Variants in LAPTM4B observed in about 807,000 individuals in gnomAD.
LAPTM4B encodes lysosomal-associated transmembrane protein 4B.
A neutral mutation model predicts 28.5 loss-of-function variants in LAPTM4B; 26 were observed. The observed-to-expected ratio is 0.91, with a 90% CI of 0.67 to 1.27. The LOEUF is 1.27. Among genes scored for constraint, LAPTM4B ranks in the 50% most tolerant of loss-of-function variants. The probability of loss-of-function intolerance (pLI) is 0.00; values close to 1 mark genes in which losing one functional copy is unlikely to be tolerated. For missense variants in LAPTM4B, 288 were observed against 285.8 expected, an observed-to-expected ratio of 1.01 and a Z score of -0.06; for synonymous variants, 109 against 106.4, an observed-to-expected ratio of 1.02 and a Z score of -0.15.
intron 1 of LAPTM4B, among the ~76,000 whole-genome samples, chr8:97,777,139 T>G (rs968427731): frequency 4.6e-5 from 4 of 87,638 alleles, no homozygotes; most frequent in East Asian, 3.9e-4. Flanking sequence ...TCAGTGAGGT[T>G]TTTTTTTTTT....
intron 6 of LAPTM4B, among the ~76,000 whole-genome samples, chr8:97,834,300 T>TA (rs1244341097): frequency 6.6e-6 from 1 of 152,032 alleles, no homozygotes; most frequent in African/African-American, 2.4e-5. Context: ...CAAGACTCTT[T>TA]AAAAAATAAA....
At chr8:97,847,836 T>C (rs887015970) in intron 6 of LAPTM4B, among the ~76,000 whole-genome samples, 3 of 152,202 alleles carry the variant, frequency 2.0e-5, no homozygotes, top group East Asian at 1.9e-4. Context: ...GTATTTAGTA[T>C]GTGTTGAAGG....
chr8:97,843,860 C>G (rs993227209), intron 6 of LAPTM4B, among the ~76,000 whole-genome samples: 1 of 152,026 alleles, frequency 6.6e-6, no homozygotes, highest in African/African-American at 2.4e-5. Context: ...AGAATAGTAG[C>G]TGAAGCTGTT....
At chr8:97,793,306 A>T (rs1489090744) in intron 1 of LAPTM4B, among the ~76,000 whole-genome samples, 1 of 152,138 alleles carries the variant, frequency 6.6e-6, no homozygotes, top group Non-Finnish European at 1.5e-5. Context: ...CCACTGGACT[A>T]ATGTTGGGCA....
Position 97,836,214 on chromosome 8 carries a change from G to T in LAPTM4B, c.603+11061G>T, listed in dbSNP as rs369707966. Among the ~76,000 whole-genome samples, 117 of 152,012 alleles carry T rather than the reference G, an allele frequency of 7.7e-4. 2 individuals are homozygous for T. Among genetic ancestry groups the T allele is most frequent in the African/African-American group, 2.7e-3 (113 of 41,440 alleles). On this transcript the variant is annotated intron_variant, in intron 6 of 6. Transcript: ENST00000521545. ...TGTTTTGTTTTGTTTTTTGAGTCTC[G>T]CTCTGTCAGGCTGGAATACATAGGA...
At chr8:97,841,389 A>G (rs1817347543) in intron 6 of LAPTM4B, among the ~76,000 whole-genome samples, 1 of 152,162 alleles carries the variant, frequency 6.6e-6, no homozygotes, top group South Asian at 2.1e-4. Flanking sequence ...GTGCAATGGC[A>G]CGATCTTGGC....
chr8:97,775,928 G>T lies in LAPTM4B; in HGVS notation c.-82G>T. The T allele has an allele frequency of 8.5e-7, 1 of 1,170,368 alleles. No homozygotes were observed. The allele number at this position is 1,170,368 out of a possible 1,614,324, so 72.5% of individuals were successfully genotyped here. ...AGCCGGAGCGGCGGAGGAGCCGGCA[G>T]CAGCGGCGCGGCGGGCTCCAGGCGA... On this transcript the variant is annotated 5_prime_UTR_variant, in exon 1 of 7. Coordinates refer to ENST00000521545, the MANE Select transcript of LAPTM4B (RefSeq NM_018407.6).
intron 1 of LAPTM4B, among the ~76,000 whole-genome samples, chr8:97,782,244 G>C (rs555392453): frequency 4.4e-4 from 61 of 139,580 alleles, no homozygotes; most frequent in Non-Finnish European, 2.0e-4. Context: ...GCCTCCCAAA[G>C]TGCTGGGATT....
At chr8:97,822,701 T>A (rs930923152) in intron 5 of LAPTM4B, among the ~76,000 whole-genome samples, 8 of 152,108 alleles carry the variant, frequency 5.3e-5, no homozygotes, top group African/African-American at 1.4e-4. Flanking sequence ...CTTAATTTTT[T>A]AAAAAAATTT....
At chr8:97,805,203 C>T (rs986555154) in intron 1 of LAPTM4B, 150 bp from the exon 2 acceptor site, 11 of 584,944 alleles carry the variant, frequency 1.9e-5, no homozygotes, top group East Asian at 1.1e-4. Flanking sequence ...TCTGCTCCCT[C>T]CATGGGTGGG....
At chr8:97,785,566 C>G (rs933717470) in intron 1 of LAPTM4B, among the ~76,000 whole-genome samples, 2 of 152,072 alleles carry the variant, frequency 1.3e-5, no homozygotes, top group Admixed American at 1.3e-4. Flanking sequence ...GATTGCAACC[C>G]CAGAATATAG....
chr8:97,830,108 A>G (rs1171010740), intron 6 of LAPTM4B, among the ~76,000 whole-genome samples: 1 of 152,164 alleles, frequency 6.6e-6, no homozygotes, highest in Non-Finnish European at 1.5e-5. Flanking sequence ...GTCAGCTAGT[A>G]GGGCAGGGAC....
At chr8:97,786,332 GAA>G in intron 1 of LAPTM4B, among the ~76,000 whole-genome samples, 1 of 151,330 alleles carries the variant, frequency 6.6e-6, no homozygotes, top group Non-Finnish European at 1.5e-5. Flanking sequence ...TGTTTCTCAG[GAA>G]AATATGTGGG....
intron 6 of LAPTM4B, among the ~76,000 whole-genome samples, chr8:97,841,073 A>T (rs2129846055): frequency 7.0e-6 from 1 of 143,194 alleles, no homozygotes; most frequent in Admixed American, 6.9e-5. Flanking sequence ...GACAGTGGGG[A>T]GCTGGGTAGA....
chr8:97,786,879 A>G (rs565963228), intron 1 of LAPTM4B, among the ~76,000 whole-genome samples: 1 of 152,246 alleles, frequency 6.6e-6, no homozygotes, highest in South Asian at 2.1e-4. Flanking sequence ...TATGCTATAG[A>G]TAAAGTTGCT....
chr8:97,800,718 A>G (rs139354191), intron 1 of LAPTM4B, among the ~76,000 whole-genome samples: 141 of 149,080 alleles, frequency 9.5e-4, no homozygotes, highest in African/African-American at 3.1e-3. Context: ...CTCATCTTAA[A>G]CTCCTGACTT....
intron 2 of LAPTM4B, among the ~76,000 whole-genome samples, chr8:97,812,211 TTTTTTGTTGTTTTTTG>T (rs1212068654): frequency 1.2e-4 from 5 of 41,216 alleles, no homozygotes; most frequent in East Asian, 2.8e-3. Flanking sequence ...TATTTGTTTT[TTTTTTGTTGTTTTTTG>T]TTTTTTTTTT....
intron 1 of LAPTM4B, 45 bp downstream of exon 1, chr8:97,776,153 C>T (rs897323873): frequency 1.3e-6 from 2 of 1,503,590 alleles, no homozygotes; most frequent in Admixed American, 2.1e-5. Context: ...TGCTTCCGCG[C>T]CCCTAGCTGG....
At chr8:97,786,426 G>A (rs1171095347) in intron 1 of LAPTM4B, among the ~76,000 whole-genome samples, 1 of 147,218 alleles carries the variant, frequency 6.8e-6, no homozygotes, top group Non-Finnish European at 1.5e-5. Context: ...AAACAAGGCC[G>A]GGTGTGGTGG....
Sources: gnomAD v4.1 joint callset for allele counts (sites outside exome capture counted in the v4.1 genomes callset) on GRCh38, gnomAD v4.1.1 for gene constraint, MANE v1.5 for transcripts, NCBI Gene and HGNC (gene_info 2026-07-23, HGNC 2026-07-21) for gene names.